The following CFAP20DC variants were observed in gnomAD, a reference collection of about 807,000 sequenced individuals.
CFAP20DC encodes the protein protein CFAP20DC.
Under a neutral mutation model 101.7 loss-of-function variants are expected in CFAP20DC, and 84 were observed. That is an observed-to-expected ratio of 0.83 (90% CI 0.69 to 0.99). CFAP20DC has a LOEUF of 0.99. CFAP20DC is among the 50% of genes least tolerant of loss of function. The pLI is 0.00. For missense variants in CFAP20DC, 1,007 were observed against 970.3 expected (o/e 1.04, Z -0.50); for synonymous variants, 359 against 351.2 (o/e 1.02, Z -0.25).
chr3:58,882,164 A>C lies in CFAP20DC; in HGVS notation c.715+2381T>G, dbSNP rs1051090163. On this transcript the variant is annotated intron_variant, in intron 7 of 16. Transcript: ENST00000482387. This position sits in a 1 kb window ranked among gnomAD's most constrained non-coding sequence, Gnocchi z 4.2. ...TTAGATGACAATTATTCATTTCTGT[A>C]TATATGACTCAAGTTCACTACTATG... Among the ~76,000 whole-genome samples, 1 of 152,200 alleles carries C rather than the reference A, an allele frequency of 6.6e-6. No individual in the cohort carries two copies. Among genetic ancestry groups the C allele is most frequent in the Admixed American group, 6.5e-5 (1 of 15,276 alleles).
intron 12 of CFAP20DC, 73 bp from the exon 13 acceptor site, chr3:58,849,482 T>G: frequency 1.8e-6 from 2 of 1,112,984 alleles, no homozygotes; most frequent in Non-Finnish European, 2.5e-6. Flanking sequence ...GTACAAGTTC[T>G]TAATAAATTC....
intron 15 of CFAP20DC, among the ~76,000 whole-genome samples, chr3:58,764,838 T>C (rs767865211): frequency 8.5e-5 from 13 of 152,180 alleles, no homozygotes; most frequent in Middle Eastern, 3.4e-3. Context: ...CTCCCACCCT[T>C]ACCCTCCTCT....
intron 15 of CFAP20DC, among the ~76,000 whole-genome samples, chr3:58,787,736 T>C (rs1348699158): frequency 2.0e-5 from 3 of 152,096 alleles, no homozygotes; most frequent in Non-Finnish European, 2.9e-5. Context: ...TGGAACCAAC[T>C]CAAATGCCCA....
intron 7 of CFAP20DC, among the ~76,000 whole-genome samples, chr3:58,873,712 G>A (rs1379198747): frequency 6.6e-6 from 1 of 152,056 alleles, no homozygotes; most frequent in Non-Finnish European, 1.5e-5. Context: ...GTAGAAGTCT[G>A]GATAGCTATT....
At chr3:58,984,252 T>C (rs1228179551) in intron 4 of CFAP20DC, among the ~76,000 whole-genome samples, 3 of 152,234 alleles carry the variant, frequency 2.0e-5, no homozygotes, top group Non-Finnish European at 4.4e-5. Context: ...ATAATTGTTA[T>C]TGGCTTCCTA....
chr3:58,981,900 T>C (rs1368578422), intron 4 of CFAP20DC, among the ~76,000 whole-genome samples: 3 of 152,092 alleles, frequency 2.0e-5, no homozygotes, highest in African/African-American at 7.2e-5. Flanking sequence ...CAAAAGAAAC[T>C]ACCATCAGAG....
intron 14 of CFAP20DC, among the ~76,000 whole-genome samples, chr3:58,822,583 A>G (rs1559650840): frequency 6.6e-6 from 1 of 151,982 alleles, no homozygotes; most frequent in African/African-American, 2.4e-5. Flanking sequence ...AACTTAAAGT[A>G]TAATAAAAAA....
In CFAP20DC at chr3:58,874,685, C is replaced by T. The variant is rs1425741286; in HGVS notation, c.716-4376G>A. ...TCACATATCATTTCCTCAGACAAGTCTTTGCAGACCTTTCTGATTAGGGTA... is the reference window on the plus strand; with the variant it reads ...TCACATATCATTTCCTCAGACAAGTTTTTGCAGACCTTTCTGATTAGGGTA... On this transcript the variant is annotated intron_variant, in intron 7 of 16. Transcript: ENST00000482387. This position sits in a 1 kb window ranked among gnomAD's most constrained non-coding sequence, Gnocchi z 5.1. Among the ~76,000 whole-genome samples, 1 of 152,176 alleles carries T rather than the reference C, an allele frequency of 6.6e-6. No homozygotes were observed. The highest frequency in any genetic ancestry group is 2.4e-5 in the African/African-American group (1 of 41,442).
At chr3:58,791,650 G>A (rs1019757762) in intron 15 of CFAP20DC, among the ~76,000 whole-genome samples, 3 of 152,228 alleles carry the variant, frequency 2.0e-5, no homozygotes, top group African/African-American at 4.8e-5. Flanking sequence ...GGTATGTTAT[G>A]CTTGATAACA....
intron 4 of CFAP20DC, among the ~76,000 whole-genome samples, chr3:58,987,032 G>C (rs138537299): frequency 6.4e-4 from 97 of 152,152 alleles, no homozygotes; most frequent in African/African-American, 2.2e-3. Flanking sequence ...TAGGGTTCTA[G>C]AAATTGAAAT....
intron 4 of CFAP20DC, among the ~76,000 whole-genome samples, chr3:58,958,145 T>G (rs2090810031): frequency 6.6e-6 from 1 of 152,122 alleles, no homozygotes; most frequent in South Asian, 2.1e-4. Context: ...CACAAATTTT[T>G]TAAAAATTAT....
intron 5 of CFAP20DC, chr3:58,915,062 C>T (rs2084538406): frequency 6.6e-6 from 1 of 152,148 alleles, no homozygotes; most frequent in South Asian, 2.1e-4. Flanking sequence ...TAAAGCATCA[C>T]TGCGGTTCTT....
intron 4 of CFAP20DC, among the ~76,000 whole-genome samples, chr3:58,941,179 A>G: frequency 6.6e-6 from 1 of 151,374 alleles, no homozygotes; most frequent in Non-Finnish European, 1.5e-5. Context: ...AAATACAGAA[A>G]TTAGCTGGGT....
intron 4 of CFAP20DC, among the ~76,000 whole-genome samples, chr3:59,032,065 G>A (rs1357799576): frequency 6.6e-6 from 1 of 152,118 alleles, no homozygotes; most frequent in African/African-American, 2.4e-5. Flanking sequence ...AGCAGGGTAG[G>A]GTGTCACCTC....
At chr3:59,038,298 C>T (rs2094138982) in intron 4 of CFAP20DC, among the ~76,000 whole-genome samples, 1 of 151,866 alleles carries the variant, frequency 6.6e-6, no homozygotes, top group African/African-American at 2.4e-5. Context: ...AGAATCCTGT[C>T]CCAAGCAAAA....
chr3:58,910,496 C>A (rs1017056671), intron 6 of CFAP20DC, among the ~76,000 whole-genome samples: 5 of 152,006 alleles, frequency 3.3e-5, no homozygotes, highest in African/African-American at 7.2e-5. Flanking sequence ...ATTCCCAATC[C>A]TTTGTACATA....
chr3:58,954,098 A>G (rs2090411051), intron 4 of CFAP20DC, among the ~76,000 whole-genome samples: 1 of 152,176 alleles, frequency 6.6e-6, no homozygotes, highest in Non-Finnish European at 1.5e-5. Flanking sequence ...TTCAAACTTA[A>G]CATCTACATT....
In CFAP20DC at chr3:58,862,702, A is replaced by G. The variant is rs139295850; in HGVS notation, c.1593+856T>C. On this transcript the variant is annotated intron_variant, in intron 12 of 16. Transcript: ENST00000482387. ...ATAAAAATATTTTGTGGGCACATAT[A>G]AAAAGGTTTTCTAGTTATTTCTATA... 1.8e-4 allele frequency: 177 copies of G among 973,154 alleles called. No individual in the cohort carries two copies. The African/African-American group carries it at 2.9e-3, about 16-fold the overall frequency. The allele number at this position is 973,154 out of a possible 1,614,324, so 60.3% of individuals were successfully genotyped here. A position where few individuals can be genotyped will look rare whatever the true frequency, so the allele number is the denominator to read the frequency against.
intron 14 of CFAP20DC, among the ~76,000 whole-genome samples, chr3:58,821,850 G>A (rs2075672639): frequency 7.7e-6 from 1 of 130,226 alleles, no homozygotes; most frequent in African/African-American, 3.1e-5. Flanking sequence ...GCACACGTAT[G>A]TTTATTGCGG....
Sources: allele counts gnomAD v4.1 joint callset (sites outside exome capture counted in the v4.1 genomes callset), GRCh38; gene constraint gnomAD v4.1.1; non-coding constraint Gnocchi (gnomAD v3.1); transcripts MANE v1.5; gene names NCBI Gene and HGNC (gene_info 2026-07-23, HGNC 2026-07-21).